Variants in SSBP3 observed in about 807,000 individuals in gnomAD.
The protein encoded by SSBP3 is single stranded DNA binding protein 3, also known as single-stranded DNA-binding protein 3.
A neutral mutation model predicts 69.6 loss-of-function variants in SSBP3; 5 were observed. That is an observed-to-expected ratio of 0.07 (90% CI 0.04 to 0.15). The LOEUF (loss-of-function observed/expected upper bound fraction) is 0.15, where lower values mean the gene tolerates loss of function less well. SSBP3 is among the 10% of genes least tolerant of loss of function. SSBP3 has a pLI of 1.00. For synonymous variants in SSBP3, 196 were observed against 193.4 expected (o/e 1.01, Z -0.11); for missense variants, 312 against 534.0 (o/e 0.58, Z 4.10).
At chr1:54,274,930 C>T (rs1645257235) in intron 5 of SSBP3, among the ~76,000 whole-genome samples, 1 of 152,148 alleles carries the variant, frequency 6.6e-6, no homozygotes, top group African/African-American at 2.4e-5. Context: ...CACACTCCCC[C>T]ACCTCAATTC....
chr1:54,371,173 T>G (rs1647126998), intron 4 of SSBP3, among the ~76,000 whole-genome samples: 1 of 152,206 alleles, frequency 6.6e-6, no homozygotes, highest in South Asian at 2.1e-4. Flanking sequence ...CATAGCCATA[T>G]CAGGTCGCCC....
intron 9 of SSBP3, among the ~76,000 whole-genome samples, chr1:54,250,301 C>A (rs1361548415): frequency 6.6e-6 from 1 of 152,236 alleles, no homozygotes; most frequent in Non-Finnish European, 1.5e-5. Flanking sequence ...AAGACAAGGA[C>A]CTCCCTAAAA....
chr1:54,237,549 C>G (rs573020357), intron 14 of SSBP3: 3 of 152,674 alleles, frequency 2.0e-5, no homozygotes, highest in African/African-American at 4.8e-5. Context: ...TTCTGCACAC[C>G]GCGCAGTACA....
chr1:54,310,847 G>A lies in SSBP3; in HGVS notation c.277-29320C>T, dbSNP rs181863949. Among the ~76,000 whole-genome samples the A allele has an allele frequency of 4.5e-4, 68 of 152,274 alleles. No individual in the cohort carries two copies. In the East Asian group the frequency reaches 9.5e-3, roughly 21 times the overall value. On this transcript the variant is annotated intron_variant, in intron 4 of 17. Coordinates refer to ENST00000610401, the Ensembl canonical transcript of SSBP3. The stretch of plus-strand genomic sequence containing the variant: ...TGAGGATGGGGGGAGAACCACCCCC[G>A]CTTTATGCAGTGAGGGAGCTGAGCT...
At chr1:54,380,576 C>T (rs1167131379) in intron 4 of SSBP3, among the ~76,000 whole-genome samples, 4 of 152,356 alleles carry the variant, frequency 2.6e-5, no homozygotes, top group African/African-American at 9.6e-5. Flanking sequence ...GGGCCAGCTT[C>T]GGCTTCCTGA....
chr1:54,269,493 T>C (rs1247400176), intron 5 of SSBP3, among the ~76,000 whole-genome samples: 1 of 152,208 alleles, frequency 6.6e-6, no homozygotes, highest in Non-Finnish European at 1.5e-5. Context: ...TCTTGGACCT[T>C]TTCTACAGCT....
At chr1:54,302,060 G>A (rs1021270097) in intron 4 of SSBP3, among the ~76,000 whole-genome samples, 2 of 152,188 alleles carry the variant, frequency 1.3e-5, no homozygotes, top group African/African-American at 2.4e-5. Flanking sequence ...GGGGTGGGGG[G>A]GTACCCCCAT....
exon 14 of SSBP3, chr1:54,239,176 T>A (rs1644558977): frequency 6.2e-7 from 1 of 1,613,464 alleles, no homozygotes; most frequent in South Asian, 1.1e-5. Context: ...ATTGTGTAGA[T>A]GTTGTCACTG....
At chr1:54,329,202 A>AGGGAGGGAGGCG (rs11267432) in intron 4 of SSBP3, among the ~76,000 whole-genome samples, 43,262 of 151,698 alleles carry the variant, frequency 0.29, 9,091 homozygotes, top group African/African-American at 0.58. Flanking sequence ...CATCAAAGGC[A>AGGGAGGGAGGCG]GGGAGGGAGG....
At chr1:54,292,488 C>T (rs1051697772) in intron 4 of SSBP3, among the ~76,000 whole-genome samples, 3 of 152,152 alleles carry the variant, frequency 2.0e-5, no homozygotes, top group Admixed American at 2.0e-4. Context: ...GCTGCCCTGG[C>T]CACTGTGAAG....
intron 4 of SSBP3, among the ~76,000 whole-genome samples, chr1:54,336,087 C>T (rs1646502578): frequency 6.6e-6 from 1 of 152,232 alleles, no homozygotes. Flanking sequence ...AGGGAATAAA[C>T]AGAACCATCT....
chr1:54,348,168 C>T (rs1646719698), intron 4 of SSBP3, among the ~76,000 whole-genome samples: 1 of 147,644 alleles, frequency 6.8e-6, no homozygotes, highest in African/African-American at 2.5e-5. Flanking sequence ...CGGACTCTGC[C>T]CCTCAGTCCG....
At chr1:54,294,166 AGAAAGAAAG>A (rs1557504908) in intron 4 of SSBP3, among the ~76,000 whole-genome samples, 38 of 73,442 alleles carry the variant, frequency 5.2e-4, no homozygotes, top group African/African-American at 1.5e-3. Flanking sequence ...AAAAAAAGAA[AGAAAGAAAG>A]AAAGAAAGAA....
intron 4 of SSBP3, chr1:54,286,909 A>AC (rs1645500616): frequency 6.6e-6 from 1 of 152,254 alleles, no homozygotes; most frequent in Non-Finnish European, 1.5e-5. Flanking sequence ...CCACCAGAGT[A>AC]CCCCAAATTC....
At chr1:54,245,808 G>A (rs1346496640) in intron 9 of SSBP3, among the ~76,000 whole-genome samples, 1 of 152,266 alleles carries the variant, frequency 6.6e-6, no homozygotes, top group Admixed American at 6.5e-5. Context: ...AACACAGGAA[G>A]GCTGGCCTTG....
intron 4 of SSBP3, among the ~76,000 whole-genome samples, chr1:54,383,019 GAAAGAAAGA>G (rs1266001815): frequency 7.1e-6 from 1 of 140,878 alleles, no homozygotes; most frequent in South Asian, 2.3e-4. Flanking sequence ...GAGAGAGAAA[GAAAGAAAGA>G]AAAGAAAGAA....
At chr1:54,241,852 G>A (rs1316980496) in intron 11 of SSBP3, among the ~76,000 whole-genome samples, 2 of 152,224 alleles carry the variant, frequency 1.3e-5, no homozygotes, top group Non-Finnish European at 1.5e-5. Flanking sequence ...CACCTTACCC[G>A]CACCTTCCAG....
chr1:54,229,322 G>C (rs1644342360), intron 14 of SSBP3, among the ~76,000 whole-genome samples: 1 of 152,254 alleles, frequency 6.6e-6, no homozygotes, highest in Non-Finnish European at 1.5e-5. Flanking sequence ...GCTGGGACTG[G>C]AACCTGGCAG....
intron 4 of SSBP3, among the ~76,000 whole-genome samples, chr1:54,321,636 T>C (rs1646215734): frequency 1.3e-5 from 2 of 152,218 alleles, no homozygotes; most frequent in Admixed American, 6.5e-5. Flanking sequence ...AAACCTAGAG[T>C]TCCCGTGCAA....
Sources: allele counts gnomAD v4.1 joint callset (sites outside exome capture counted in the v4.1 genomes callset), GRCh38; gene constraint gnomAD v4.1.1; transcripts MANE v1.5; gene names NCBI Gene and HGNC (gene_info 2026-07-23, HGNC 2026-07-21).